The following SV2C variants were observed in gnomAD, a reference collection of about 807,000 sequenced individuals.
The protein encoded by SV2C is synaptic vesicle glycoprotein 2C.
In SV2C, 49 loss-of-function variants were observed where a neutral mutation model predicts 79.7. The observed-to-expected ratio is 0.61, with a 90% CI of 0.49 to 0.78. The LOEUF (loss-of-function observed/expected upper bound fraction) is 0.78. Among genes scored for constraint, SV2C ranks in the 30% least tolerant of loss-of-function variants. The probability of loss-of-function intolerance (pLI) is 0.00; values close to 1 mark genes in which losing one functional copy is unlikely to be tolerated. For missense variants in SV2C, 833 were observed against 912.9 expected, an observed-to-expected ratio of 0.91 and a Z score of 1.13; for synonymous variants, 334 against 333.2, an observed-to-expected ratio of 1.00 and a Z score of -0.03.
chr5:76,204,372 A>G (rs1342920688), intron 3 of SV2C, among the ~76,000 whole-genome samples: 1 of 152,218 alleles, frequency 6.6e-6, no homozygotes, highest in East Asian at 1.9e-4. Flanking sequence ...CTTGTCTTAT[A>G]AAAGCTGCCA....
chr5:75,928,925 A>G, the SV2C span, among the ~76,000 whole-genome samples: 1 of 152,158 alleles, frequency 6.6e-6, no homozygotes, highest in African/African-American at 2.4e-5. Context: ...TAAAAGAACA[A>G]GTGCATGAAG....
chr5:76,226,642 A>G (rs1445796055), intron 4 of SV2C, among the ~76,000 whole-genome samples: 1 of 152,252 alleles, frequency 6.6e-6, no homozygotes. Flanking sequence ...TCACTTTCCC[A>G]TAATCCTCCA....
intron 4 of SV2C, among the ~76,000 whole-genome samples, chr5:76,219,611 C>T (rs1472505256): frequency 2.0e-5 from 3 of 152,210 alleles, no homozygotes; most frequent in African/African-American, 7.2e-5. Flanking sequence ...TCTCTCTCCC[C>T]ATCCTCTTTG....
At chr5:76,014,881 G>A in the SV2C span, among the ~76,000 whole-genome samples, 2 of 152,174 alleles carry the variant, frequency 1.3e-5, no homozygotes, top group East Asian at 3.9e-4. Context: ...CCTACATAAA[G>A]TAACAGAGAA....
the SV2C span, among the ~76,000 whole-genome samples, chr5:76,013,380 AGT>A: frequency 6.6e-6 from 1 of 152,272 alleles, no homozygotes; most frequent in South Asian, 2.1e-4. Context: ...TGTGAATGGG[AGT>A]TCACTCATAA....
At chr5:75,885,590 T>C in the SV2C span, among the ~76,000 whole-genome samples, 1 of 151,998 alleles carries the variant, frequency 6.6e-6, no homozygotes, top group Non-Finnish European at 1.5e-5. Flanking sequence ...ACATTCTTTT[T>C]AAAAAAAGTA....
chr5:76,073,503 G>GTATATA, the SV2C span, among the ~76,000 whole-genome samples: 1,957 of 67,180 alleles, frequency 0.029, 85 homozygotes, highest in Non-Finnish European at 0.041. Flanking sequence ...GTATGTGTGT[G>GTATATA]TATATATATA....
At chr5:76,134,418 GAAT>G (rs1182236473) in intron 2 of SV2C, among the ~76,000 whole-genome samples, 4 of 151,974 alleles carry the variant, frequency 2.6e-5, no homozygotes, top group African/African-American at 9.7e-5. Flanking sequence ...TCATTTCATC[GAAT>G]AATAGCTTTG....
At chr5:75,934,385 C>T in the SV2C span, among the ~76,000 whole-genome samples, 4 of 143,476 alleles carry the variant, frequency 2.8e-5, no homozygotes, top group Admixed American at 2.2e-4. Context: ...CTCCCTGATT[C>T]AAATGATTCT....
At chr5:76,187,840 A>C (rs1743969217) in intron 2 of SV2C, among the ~76,000 whole-genome samples, 1 of 151,898 alleles carries the variant, frequency 6.6e-6, no homozygotes, top group African/African-American at 2.4e-5. Context: ...TGAGTTAAGG[A>C]AGGTGAAAAG....
In SV2C at chr5:76,194,971, G is replaced by A; in HGVS notation, c.633G>A (p.Leu211=). The change falls in exon 3 of 13, where the codon CTG becomes CTA. Residue 211 remains leucine, a synonymous_variant. Coordinates refer to ENST00000502798, the MANE Select transcript of SV2C (RefSeq NM_014979.4). ...TGGGGGCGTTCTTCTGGGGAGGACTGGCAGACAAAGTGGGAAGGAAACAGT... is the reference window on the plus strand; with the variant it reads ...TGGGGGCGTTCTTCTGGGGAGGACTAGCAGACAAAGTGGGAAGGAAACAGT... ...MMVGAFFWGG[L]ADKVGRKQSL... is the part of the protein sequence containing the mutation. 6.2e-7 allele frequency: 1 copy of A among 1,614,094 alleles called. No individual in the cohort carries two copies. Among genetic ancestry groups the A allele is most frequent in the South Asian group, 1.1e-5 (1 of 91,072 alleles).
At chr5:76,083,173 A>C (rs1747048784), upstream of SV2C, 1 of 152,298 alleles carries the variant, frequency 6.6e-6, no homozygotes. Flanking sequence ...CAGCACCGCG[A>C]CTTGCCGGAG....
At chr5:76,230,822 G>T (rs899983977) in intron 4 of SV2C, among the ~76,000 whole-genome samples, 2 of 151,854 alleles carry the variant, frequency 1.3e-5, no homozygotes, top group Non-Finnish European at 2.9e-5. Flanking sequence ...AGAAAGAAAG[G>T]CAAGAAAGTA....
intron 4 of SV2C, among the ~76,000 whole-genome samples, chr5:76,211,180 A>AT (rs1348124516): frequency 6.6e-6 from 1 of 152,156 alleles, no homozygotes; most frequent in Non-Finnish European, 1.5e-5. Flanking sequence ...CAGAACTGGA[A>AT]TGGGAGCAGG....
chr5:76,314,000 C>T (rs899385133), intron 12 of SV2C, among the ~76,000 whole-genome samples: 40 of 152,164 alleles, frequency 2.6e-4, no homozygotes, highest in African/African-American at 8.9e-4. Flanking sequence ...ATTTATCTAT[C>T]AATCATATTG....
chr5:75,979,562 G>C, the SV2C span, among the ~76,000 whole-genome samples: 3 of 149,744 alleles, frequency 2.0e-5, no homozygotes, highest in East Asian at 5.8e-4. Context: ...TAGAAATAAA[G>C]ACTAGGAAAT....
intron 4 of SV2C, among the ~76,000 whole-genome samples, chr5:76,248,432 C>T (rs1377708772): frequency 6.6e-6 from 1 of 152,092 alleles, no homozygotes; most frequent in Non-Finnish European, 1.5e-5. Context: ...GGACACCAGT[C>T]GTATTGAATT....
chr5:75,965,860 A>G, the SV2C span, among the ~76,000 whole-genome samples: 1 of 152,342 alleles, frequency 6.6e-6, no homozygotes, highest in East Asian at 1.9e-4. Flanking sequence ...AATCAAGTAC[A>G]TAGCATAATT....
chr5:76,067,721 GTA>G, the SV2C span, among the ~76,000 whole-genome samples: 4 of 151,858 alleles, frequency 2.6e-5, no homozygotes, highest in Admixed American at 1.3e-4. Flanking sequence ...CCATTCAAGA[GTA>G]TATGTGTCTC....
Sources: allele counts gnomAD v4.1 joint callset (sites outside exome capture counted in the v4.1 genomes callset), GRCh38; gene constraint gnomAD v4.1.1; transcripts MANE v1.5; gene names NCBI Gene and HGNC (gene_info 2026-07-23, HGNC 2026-07-21).